The following OSBPL1A variants were observed in gnomAD, a reference collection of about 807,000 sequenced individuals.
OSBPL1A encodes oxysterol-binding protein-related protein 1.
In OSBPL1A, 80 loss-of-function variants were observed where a neutral mutation model predicts 137.1. The ratio of observed to expected loss-of-function variants is 0.58; its 90% CI spans 0.49 to 0.70. OSBPL1A has a LOEUF of 0.70. Among genes scored for constraint, OSBPL1A ranks in the 30% least tolerant of loss-of-function variants. OSBPL1A has a pLI of 0.00. For missense variants in OSBPL1A, 970 were observed against 1,129.4 expected, an observed-to-expected ratio of 0.86 and a Z score of 2.02; for synonymous variants, 365 against 389.7, an observed-to-expected ratio of 0.94 and a Z score of 0.75.
At chr18:24,324,914 TG>T (rs2090944374) in intron 7 of OSBPL1A, among the ~76,000 whole-genome samples, 1 of 151,686 alleles carries the variant, frequency 6.6e-6, no homozygotes, top group Non-Finnish European at 1.5e-5. Context: ...GGTGAAACCC[TG>T]TCTCTACTAA....
intron 17 of OSBPL1A, chr18:24,218,397 A>G (rs2145977703): frequency 6.6e-6 from 1 of 152,312 alleles, no homozygotes; most frequent in Middle Eastern, 3.4e-3. Flanking sequence ...GAAGTGTCCC[A>G]TATTTTTTGT....
intron 1 of OSBPL1A, among the ~76,000 whole-genome samples, chr18:24,382,733 A>G (rs1442301542): frequency 6.6e-6 from 1 of 151,032 alleles, no homozygotes; most frequent in Non-Finnish European, 1.5e-5. Flanking sequence ...AAATTAAGCC[A>G]GGCATGGTGG....
intron 18 of OSBPL1A, among the ~76,000 whole-genome samples, chr18:24,189,524 A>C (rs1021606090): frequency 6.6e-6 from 1 of 152,088 alleles, no homozygotes; most frequent in Non-Finnish European, 1.5e-5. Flanking sequence ...CAAGATGAAG[A>C]TGGCACTGGA....
At chr18:24,384,326 C>A (rs2146212288) in intron 1 of OSBPL1A, among the ~76,000 whole-genome samples, 1 of 152,358 alleles carries the variant, frequency 6.6e-6, no homozygotes, top group South Asian at 2.1e-4. Context: ...GTAATCCCGG[C>A]ACTTTGGGAG....
At chr18:24,202,323 G>A (rs2145954722) in intron 17 of OSBPL1A, among the ~76,000 whole-genome samples, 1 of 152,336 alleles carries the variant, frequency 6.6e-6, no homozygotes, top group South Asian at 2.1e-4. Flanking sequence ...TCTCAGAAAT[G>A]AAGGTTCAAC....
chr18:24,303,753 T>A lies in OSBPL1A; in HGVS notation c.1093-35A>T, dbSNP rs199635525. On this transcript the variant is annotated intron_variant, in intron 13 of 27. Transcript: ENST00000319481. ...AAGAAAAGACAAAATTAAAACAAAG[T>A]AATAAAAGATTTTACATTACTTATG... The A allele has an allele frequency of 8.4e-6, 13 of 1,538,628 alleles. No individual in the cohort carries two copies. The East Asian group carries it at 2.7e-4, about 32-fold the overall frequency.
intron 18 of OSBPL1A, among the ~76,000 whole-genome samples, chr18:24,187,853 G>A (rs960267316): frequency 3.8e-4 from 58 of 152,292 alleles, no homozygotes; most frequent in Admixed American, 1.0e-3. Context: ...GCCTGGGCCA[G>A]GAGGGATCCA....
chr18:24,216,993 T>C lies in OSBPL1A; in HGVS notation c.1601+8049A>G, dbSNP rs554104492. ...TTCTTATCAGAAAGCAAGGCAGCTATCAAAGACAATGGAGTTATTGCCTAC... is the reference window on the plus strand; with the variant it reads ...TTCTTATCAGAAAGCAAGGCAGCTACCAAAGACAATGGAGTTATTGCCTAC... On this transcript the variant is annotated intron_variant, in intron 17 of 27. Transcript: ENST00000319481. 4.6e-5 allele frequency among the ~76,000 whole-genome samples: 7 copies of C among 152,180 alleles called. No homozygotes were observed. In the South Asian group the frequency reaches 1.0e-3, roughly 23 times the overall value.
intron 22 of OSBPL1A, 128 bp from the exon 23 acceptor site, chr18:24,171,626 TAA>T: frequency 1.4e-6 from 1 of 690,782 alleles, no homozygotes; most frequent in Non-Finnish European, 2.5e-6. Flanking sequence ...GGCTCCATAC[TAA>T]AGTGATAATG....
intron 4 of OSBPL1A, among the ~76,000 whole-genome samples, chr18:24,342,755 G>A (rs928808588): frequency 6.6e-6 from 1 of 151,548 alleles, no homozygotes; most frequent in African/African-American, 2.4e-5. Context: ...AATTTCCCTA[G>A]GCAAAATTTG....
At chr18:24,397,620 C>A (rs1907852213) in intron 1 of OSBPL1A, 35 bp downstream of exon 1, 1 of 152,268 alleles carries the variant, frequency 6.6e-6, no homozygotes, top group Admixed American at 6.5e-5. Flanking sequence ...GAACCGGCCT[C>A]GAACTCCAGG....
In OSBPL1A at chr18:24,319,582, C is replaced by T. The variant is rs1422795243; in HGVS notation, c.626-773G>A. On this transcript the variant is annotated intron_variant, in intron 7 of 27. Transcript: ENST00000319481. ...TTTTCCAACCTTACACATGCACATT[C>T]CATGTTTTGCCCAACAACAACAAAA... is the stretch of plus-strand genomic sequence containing the variant. Among the ~76,000 whole-genome samples the T allele has an allele frequency of 2.0e-5, 3 of 152,184 alleles. No individual in the cohort carries two copies. The East Asian group carries it at 5.8e-4, about 29-fold the overall frequency.
At chr18:24,261,239 T>C (rs2089439250) in intron 15 of OSBPL1A, among the ~76,000 whole-genome samples, 1 of 152,106 alleles carries the variant, frequency 6.6e-6, no homozygotes, top group African/African-American at 2.4e-5. Context: ...TGATCAATAC[T>C]TGCCTGTGGA....
At chr18:24,183,011 G>T (rs1473719181) in intron 18 of OSBPL1A, among the ~76,000 whole-genome samples, 1 of 151,954 alleles carries the variant, frequency 6.6e-6, no homozygotes, top group East Asian at 1.9e-4. Flanking sequence ...TGGGATTACA[G>T]ATGTGCACCA....
At chr18:24,212,573 T>C (rs2087577477) in intron 17 of OSBPL1A, among the ~76,000 whole-genome samples, 1 of 152,168 alleles carries the variant, frequency 6.6e-6, no homozygotes, top group Non-Finnish European at 1.5e-5. Flanking sequence ...TAAATACTGG[T>C]TTTTAGTCAC....
At chr18:24,223,054 T>A (rs1156292480) in intron 17 of OSBPL1A, among the ~76,000 whole-genome samples, 6 of 152,092 alleles carry the variant, frequency 3.9e-5, no homozygotes, top group African/African-American at 1.4e-4. Flanking sequence ...CAAATAAATT[T>A]TTTGGTCACT....
chr18:24,328,587 C>T (rs890319106), intron 7 of OSBPL1A, among the ~76,000 whole-genome samples: 6 of 152,206 alleles, frequency 3.9e-5, no homozygotes, highest in Non-Finnish European at 5.9e-5. Context: ...GTTTACCAGA[C>T]GGACAAGAAA....
At chr18:24,177,037 G>C (rs181362504) in intron 21 of OSBPL1A, among the ~76,000 whole-genome samples, 20 of 152,212 alleles carry the variant, frequency 1.3e-4, no homozygotes, top group Admixed American at 1.3e-3. Context: ...GGGCAAAGGG[G>C]TAAAAGAAAA....
chr18:24,205,367 C>T (rs2087339360), intron 17 of OSBPL1A, among the ~76,000 whole-genome samples: 1 of 152,104 alleles, frequency 6.6e-6, no homozygotes, highest in African/African-American at 2.4e-5. Flanking sequence ...AAACTTTAGG[C>T]CCCATTCATT....
Sources: gnomAD v4.1 joint callset for allele counts (sites outside exome capture counted in the v4.1 genomes callset) on GRCh38, gnomAD v4.1.1 for gene constraint, MANE v1.5 for transcripts, NCBI Gene and HGNC (gene_info 2026-07-23, HGNC 2026-07-21) for gene names.